Variants in ARHGAP42 observed in about 807,000 individuals in gnomAD.
ARHGAP42 encodes rho GTPase-activating protein 42.
Under a neutral mutation model 125.0 loss-of-function variants are expected in ARHGAP42, and 63 were observed. The ratio of observed to expected loss-of-function variants is 0.50; its 90% CI spans 0.41 to 0.62. ARHGAP42 has a LOEUF of 0.62. Among genes scored for constraint, ARHGAP42 ranks in the 20% least tolerant of loss-of-function variants. The pLI, the probability that ARHGAP42 is intolerant of heterozygous loss-of-function variation, is 0.00. For missense variants in ARHGAP42, 766 were observed against 1,024.2 expected (o/e 0.75, Z 3.44); for synonymous variants, 339 against 351.0 (o/e 0.97, Z 0.38).
chr11:100,935,510 C>T (rs568653218), intron 7 of ARHGAP42, among the ~76,000 whole-genome samples: 2 of 152,098 alleles, frequency 1.3e-5, no homozygotes, highest in Admixed American at 1.3e-4. Flanking sequence ...GTTTTTTTCC[C>T]TCAAAAGAAA....
intron 16 of ARHGAP42, among the ~76,000 whole-genome samples, chr11:100,963,720 A>G (rs1454129136): frequency 2.0e-5 from 3 of 152,226 alleles, no homozygotes; most frequent in Non-Finnish European, 1.5e-5. Flanking sequence ...AAAAATATAT[A>G]ATCTGACCTC....
chr11:100,723,614 A>G (rs1040020315), intron 1 of ARHGAP42, among the ~76,000 whole-genome samples: 1 of 152,054 alleles, frequency 6.6e-6, no homozygotes, highest in Non-Finnish European at 1.5e-5. Context: ...TGACTTTTAT[A>G]TATTAGCTTT....
At chr11:100,959,514 G>A (rs568798460) in intron 12 of ARHGAP42, among the ~76,000 whole-genome samples, 2 of 152,092 alleles carry the variant, frequency 1.3e-5, no homozygotes, top group East Asian at 3.9e-4. Context: ...TCGCGGGAAA[G>A]GATATGTGAA....
At chr11:100,879,617 C>G (rs992206123) in intron 4 of ARHGAP42, among the ~76,000 whole-genome samples, 16 of 152,106 alleles carry the variant, frequency 1.1e-4, no homozygotes, top group African/African-American at 3.9e-4. Flanking sequence ...CTTCCGACAC[C>G]CACATCCATT....
chr11:100,748,740 AGGCTAC>A (rs1323528616), intron 1 of ARHGAP42, among the ~76,000 whole-genome samples: 1 of 152,212 alleles, frequency 6.6e-6, no homozygotes, highest in African/African-American at 2.4e-5. Flanking sequence ...TTGATTAGGA[AGGCTAC>A]GGGTTGTCAG....
intron 1 of ARHGAP42, among the ~76,000 whole-genome samples, chr11:100,702,135 T>C (rs1478921511): frequency 6.6e-6 from 1 of 151,856 alleles, no homozygotes; most frequent in Non-Finnish European, 1.5e-5. Context: ...AAAATAATAA[T>C]ATAATGAATA....
intron 4 of ARHGAP42, among the ~76,000 whole-genome samples, chr11:100,901,371 G>A (rs1193476704): frequency 6.6e-6 from 1 of 152,214 alleles, no homozygotes; most frequent in African/African-American, 2.4e-5. Context: ...GGGGGTCAGA[G>A]ACCCACTTGA....
intron 1 of ARHGAP42, among the ~76,000 whole-genome samples, chr11:100,718,052 T>C (rs1456163957): frequency 6.6e-6 from 1 of 152,200 alleles, no homozygotes; most frequent in Non-Finnish European, 1.5e-5. Context: ...AATGTAGTTA[T>C]TACTGCGAGT....
chr11:100,687,553 G>GGCGCCT lies in ARHGAP42; in HGVS notation c.-126_-125insGCGCCT. 1.5e-6 allele frequency: 1 copy of GGCGCCT among 657,488 alleles called. No individual in the cohort carries two copies. The highest frequency in any genetic ancestry group is 2.0e-6 in the Non-Finnish European group (1 of 494,332). 40.7% of individuals were successfully genotyped at this position (657,488 alleles called of 1,614,324 possible). ...GGGGCCCGTTTCCTCCGCGCAATCA[G>GGCGCCT]TCCCCTCGCGTCCCGGCGCCTTCCC... On this transcript the variant is annotated 5_prime_UTR_variant, in exon 1 of 24. Transcript: ENST00000298815.
intron 1 of ARHGAP42, among the ~76,000 whole-genome samples, chr11:100,706,061 C>A (rs1331570433): frequency 6.7e-6 from 1 of 148,622 alleles, no homozygotes; most frequent in East Asian, 2.0e-4. Context: ...CTCACTGCAA[C>A]CTCTGCATCC....
intron 1 of ARHGAP42, among the ~76,000 whole-genome samples, chr11:100,761,692 T>C: frequency 6.6e-6 from 1 of 152,240 alleles, no homozygotes; most frequent in East Asian, 1.9e-4. Flanking sequence ...CTATTTATTT[T>C]CACTGAAGCT....
At chr11:100,772,180 C>G (rs1377418400) in intron 2 of ARHGAP42, among the ~76,000 whole-genome samples, 1 of 152,142 alleles carries the variant, frequency 6.6e-6, no homozygotes, top group Admixed American at 6.5e-5. Flanking sequence ...AACAAAAGGG[C>G]AATGTTACCC....
intron 5 of ARHGAP42, among the ~76,000 whole-genome samples, chr11:100,915,349 A>G (rs1446471555): frequency 6.6e-6 from 1 of 152,184 alleles, no homozygotes; most frequent in Admixed American, 6.5e-5. Flanking sequence ...GTAGTTATGT[A>G]GAGAGACACT....
chr11:100,988,930 A>G lies in ARHGAP42; in HGVS notation c.*129A>G, dbSNP rs1565309531. The stretch of plus-strand genomic sequence containing the variant: ...ACAGTCAATTTCTATCAAGTTCTTC[A>G]CCAGCAGACTATGTAGCTCCTTATT... On this transcript the variant is annotated 3_prime_UTR_variant, in exon 24 of 24. Coordinates refer to ENST00000298815, the MANE Select transcript of ARHGAP42 (RefSeq NM_152432.4). 8.4e-6 allele frequency: 5 copies of G among 597,694 alleles called. No homozygotes were observed. The allele number at this position is 597,694 out of a possible 1,614,324, so 37.0% of individuals were successfully genotyped here.
chr11:100,749,833 C>G (rs1862402783), intron 1 of ARHGAP42, among the ~76,000 whole-genome samples: 1 of 152,100 alleles, frequency 6.6e-6, no homozygotes, highest in Admixed American at 6.5e-5. Flanking sequence ...CACATTTAGC[C>G]CTCTAGAATT....
At chr11:100,807,435 A>G (rs1007841040) in intron 3 of ARHGAP42, among the ~76,000 whole-genome samples, 4 of 152,112 alleles carry the variant, frequency 2.6e-5, no homozygotes, top group Non-Finnish European at 2.9e-5. Context: ...ACCTCAGGAA[A>G]TCCACCCGCC....
At chr11:100,892,330 G>GAA (rs971739829) in intron 4 of ARHGAP42, among the ~76,000 whole-genome samples, 30 of 152,122 alleles carry the variant, frequency 2.0e-4, no homozygotes, top group Non-Finnish European at 8.8e-5. Context: ...TTGAAATATA[G>GAA]AGAAGTCTGT....
chr11:100,733,607 T>C (rs1238123118), intron 1 of ARHGAP42, among the ~76,000 whole-genome samples: 2 of 151,988 alleles, frequency 1.3e-5, no homozygotes, highest in Admixed American at 6.6e-5. Context: ...GCAGATCACC[T>C]GAGGTCAGGA....
At chr11:100,881,509 T>G (rs1865961605) in intron 4 of ARHGAP42, among the ~76,000 whole-genome samples, 1 of 152,172 alleles carries the variant, frequency 6.6e-6, no homozygotes, top group Admixed American at 6.6e-5. Context: ...AATCAGTTAA[T>G]TGATGCCTCC....
Sources: gnomAD v4.1 joint callset for allele counts (sites outside exome capture counted in the v4.1 genomes callset) on GRCh38, gnomAD v4.1.1 for gene constraint, MANE v1.5 for transcripts, NCBI Gene and HGNC (gene_info 2026-07-23, HGNC 2026-07-21) for gene names.